Variants in PNKD observed in about 807,000 individuals in gnomAD.
PNKD encodes the protein probable thioesterase PNKD.
In PNKD, 36 loss-of-function variants were observed where a neutral mutation model predicts 45.3. The observed-to-expected ratio is 0.80, with a 90% CI of 0.61 to 1.05. The LOEUF (loss-of-function observed/expected upper bound fraction) is 1.05, where lower values mean the gene tolerates loss of function less well. PNKD is among the 50% of genes least tolerant of loss of function. PNKD has a pLI of 0.00. For synonymous variants in PNKD, 197 were observed against 210.1 expected, an observed-to-expected ratio of 0.94 and a Z score of 0.54; for missense variants, 511 against 506.6, an observed-to-expected ratio of 1.01 and a Z score of -0.08.
chr2:218,308,473 C>T (rs1033889067), intron 2 of PNKD, among the ~76,000 whole-genome samples: 4 of 152,098 alleles, frequency 2.6e-5, no homozygotes, highest in South Asian at 4.2e-4. Flanking sequence ...AGGCACGAGC[C>T]ACCGTGCCCA....
chr2:218,277,704 T>C, intron 2 of PNKD: 1 of 1,613,506 alleles, frequency 6.2e-7, no homozygotes, highest in Non-Finnish European at 8.5e-7. Context: ...ATGAAACACT[T>C]AAAAAGGAAG....
rs966975492 is a variant in PNKD, at chr2:218,345,198, G to C, written c.*217G>C. 2.1e-5 allele frequency: 12 copies of C among 578,432 alleles called. No individual in the cohort carries two copies. Among genetic ancestry groups the C allele is most frequent in the African/African-American group, 1.9e-4 (10 of 53,604 alleles). 35.8% of individuals were successfully genotyped at this position (578,432 alleles called of 1,614,324 possible). ...GAGGCTGGGAACCCCGCAGCGCGAG[G>C]CTGCCTCATCAACGGCAAGAGGAAA... On this transcript the variant is annotated 3_prime_UTR_variant, in exon 10 of 10. Transcript: ENST00000273077.
intron 2 of PNKD, among the ~76,000 whole-genome samples, chr2:218,308,834 C>T (rs1037282034): frequency 6.6e-5 from 10 of 151,922 alleles, no homozygotes; most frequent in African/African-American, 2.2e-4. Flanking sequence ...ATCTGCCTGC[C>T]TCAACCTCCC....
At chr2:218,292,277 G>A (rs1361253487) in intron 2 of PNKD, among the ~76,000 whole-genome samples, 1 of 152,084 alleles carries the variant, frequency 6.6e-6, no homozygotes, top group Non-Finnish European at 1.5e-5. Flanking sequence ...CGCGCGCCCA[G>A]GGAGAGCGAA....
chr2:218,335,745 C>T (rs1389388405), intron 2 of PNKD, among the ~76,000 whole-genome samples: 1 of 152,188 alleles, frequency 6.6e-6, no homozygotes, highest in African/African-American at 2.4e-5. Flanking sequence ...AATATAAACC[C>T]ATGGGTACAT....
chr2:218,345,142 G>T lies in PNKD; in HGVS notation c.*161G>T, dbSNP rs1422766727. The T allele has an allele frequency of 1.9e-5, 12 of 639,118 alleles. No individual in the cohort carries two copies. Among genetic ancestry groups the T allele is most frequent in the Non-Finnish European group, 3.0e-5 (11 of 370,278 alleles). The allele number at this position is 639,118 out of a possible 1,614,324, so 39.6% of individuals were successfully genotyped here. ...GGGGAGGGGAGGGATCAGGCGATGA[G>T]ACTGTGAGGCCAAAAGAAGGGGGCC... On this transcript the variant is annotated 3_prime_UTR_variant, in exon 10 of 10. Coordinates refer to ENST00000273077, the MANE Select transcript of PNKD (RefSeq NM_015488.5).
At chr2:218,277,956 G>A in intron 2 of PNKD, 1 of 1,614,198 alleles carries the variant, frequency 6.2e-7, no homozygotes, top group Non-Finnish European at 8.5e-7. Flanking sequence ...GCAGAATGAT[G>A]TTCCATGGGA....
chr2:218,317,128 A>G (rs919659458), intron 2 of PNKD, among the ~76,000 whole-genome samples: 2 of 152,200 alleles, frequency 1.3e-5, no homozygotes, highest in African/African-American at 4.8e-5. Flanking sequence ...GAGAAGTTCC[A>G]GGTGAATCTA....
At chr2:218,280,016 C>T (rs1574638087) in intron 2 of PNKD, 2 of 1,612,670 alleles carry the variant, frequency 1.2e-6, no homozygotes, top group Non-Finnish European at 1.7e-6. Flanking sequence ...CCTCCCAGCG[C>T]GTATCTTACC....
chr2:218,277,570 C>G, intron 2 of PNKD: 1 of 1,612,350 alleles, frequency 6.2e-7, no homozygotes, highest in South Asian at 1.1e-5. Context: ...GCTGCCGGCC[C>G]AGGAACACCC....
At position 218,277,687 on chromosome 2, in the gene PNKD, G is replaced by C. The variant is rs778083787; in HGVS notation, c.236+6138G>C. 2.5e-6 allele frequency: 4 copies of C among 1,613,996 alleles called. No homozygotes were observed. The African/African-American group carries it at 4.0e-5, about 16-fold the overall frequency. On this transcript the variant is annotated intron_variant, in intron 2 of 9. Coordinates refer to ENST00000273077, the MANE Select transcript of PNKD (RefSeq NM_015488.5). ...GGCAAAAGTCTAAGGGAAGGAGAGA[G>C]ACAAGAATGAAACACTTAAAAAGGA...
intron 2 of PNKD, among the ~76,000 whole-genome samples, chr2:218,311,164 A>G (rs1207691380): frequency 6.6e-6 from 1 of 152,208 alleles, no homozygotes; most frequent in Non-Finnish European, 1.5e-5. Flanking sequence ...GAAGGCCTTC[A>G]GCCTATTTGC....
chr2:218,321,623 CTTT>C (rs35315674), intron 2 of PNKD, among the ~76,000 whole-genome samples: 15 of 93,826 alleles, frequency 1.6e-4, no homozygotes, highest in African/African-American at 4.3e-4. Context: ...GTGAGCTTGA[CTTT>C]TTTTTTTTTT....
intron 2 of PNKD, among the ~76,000 whole-genome samples, chr2:218,329,185 G>A (rs765539532): frequency 2.0e-5 from 3 of 151,962 alleles, no homozygotes; most frequent in Non-Finnish European, 4.4e-5. Flanking sequence ...CTCCAGCCTG[G>A]ATGACAGAGC....
In PNKD at chr2:218,277,612, G is replaced by A. The variant is rs772868526; in HGVS notation, c.236+6063G>A. ...CCACAATACACATTTCCCAAGAGTG[G>A]TGCTTTATCCCTGAATGTACCTGGA... On this transcript the variant is annotated intron_variant, in intron 2 of 9. Transcript: ENST00000273077. 8.7e-6 allele frequency: 14 copies of A among 1,614,190 alleles called. No individual in the cohort carries two copies. In the Admixed American group the frequency reaches 1.2e-4, roughly 13 times the overall value.
chr2:218,300,554 T>TTC, intron 2 of PNKD, among the ~76,000 whole-genome samples: 1 of 150,940 alleles, frequency 6.6e-6, no homozygotes, highest in African/African-American at 2.4e-5. Context: ...TTCTTTTCTT[T>TTC]TTTTTTTTTG....
intron 2 of PNKD, among the ~76,000 whole-genome samples, chr2:218,306,249 G>C (rs1276705078): frequency 6.6e-6 from 1 of 152,134 alleles, no homozygotes; most frequent in Non-Finnish European, 1.5e-5. Flanking sequence ...AGCAGGGGGA[G>C]CCCCTGCTTG....
chr2:218,336,818 C>G (rs1471800524), intron 2 of PNKD, among the ~76,000 whole-genome samples: 31 of 91,490 alleles, frequency 3.4e-4, no homozygotes, highest in Non-Finnish European at 6.2e-4. Flanking sequence ...TTTTTTCAGA[C>G]AGAGTTTCAC....
intron 2 of PNKD, chr2:218,279,490 A>C: frequency 1.5e-6 from 1 of 671,770 alleles, no homozygotes; most frequent in South Asian, 2.3e-5. Flanking sequence ...CCCCAGTGAG[A>C]TGCCTGGCTC....
Sources: gnomAD v4.1 joint callset for allele counts (sites outside exome capture counted in the v4.1 genomes callset) on GRCh38, gnomAD v4.1.1 for gene constraint, MANE v1.5 for transcripts, NCBI Gene and HGNC (gene_info 2026-07-23, HGNC 2026-07-21) for gene names.